The following BRINP3 variants were observed in gnomAD, a reference collection of about 807,000 sequenced individuals.
BRINP3 encodes the protein BMP/retinoic acid inducible neural specific 3, also known as BMP/retinoic acid-inducible neural-specific protein 3.
BRINP3 carries 19 observed loss-of-function variants against 71.0 expected under a neutral mutation model. The ratio of observed to expected loss-of-function variants is 0.27; its 90% CI spans 0.19 to 0.39. BRINP3 has a LOEUF of 0.39. BRINP3 is among the 10% of genes least tolerant of loss of function. The probability of loss-of-function intolerance (pLI) is 1.00; values close to 1 mark genes in which losing one functional copy is unlikely to be tolerated. For missense variants in BRINP3, 959 were observed against 940.8 expected, an observed-to-expected ratio of 1.02 and a Z score of -0.25; for synonymous variants, 380 against 337.7, an observed-to-expected ratio of 1.13 and a Z score of -1.37.
At chr1:190,167,099 C>T (rs992420782) in intron 6 of BRINP3, among the ~76,000 whole-genome samples, 1 of 151,930 alleles carries the variant, frequency 6.6e-6, no homozygotes, top group East Asian at 1.9e-4. Flanking sequence ...ATTTGATGTG[C>T]CATCCAGAAT....
intron 6 of BRINP3, among the ~76,000 whole-genome samples, chr1:190,206,105 C>G (rs1655475642): frequency 6.6e-6 from 1 of 151,990 alleles, no homozygotes; most frequent in Non-Finnish European, 1.5e-5. Context: ...AAGACACTTG[C>G]CAGTACACCG....
intron 1 of BRINP3, among the ~76,000 whole-genome samples, chr1:190,471,040 A>C (rs975889034): frequency 6.6e-6 from 1 of 151,188 alleles, no homozygotes; most frequent in Non-Finnish European, 1.5e-5. Flanking sequence ...AATTATGAAG[A>C]CTTTGTAATT....
At chr1:190,436,201 G>A (rs1674442829) in intron 2 of BRINP3, among the ~76,000 whole-genome samples, 1 of 151,876 alleles carries the variant, frequency 6.6e-6, no homozygotes, top group Non-Finnish European at 1.5e-5. Flanking sequence ...TTTAACATAT[G>A]CTTAAATATG....
intron 6 of BRINP3, among the ~76,000 whole-genome samples, chr1:190,191,920 G>A (rs1168623266): frequency 6.6e-6 from 1 of 151,852 alleles, no homozygotes; most frequent in African/African-American, 2.4e-5. Context: ...AATAAAACAG[G>A]TTTAAAAATA....
Position 190,098,978 on chromosome 1 carries a change from A to C in BRINP3, c.1341T>G (p.Ser447=). Residue 447 remains serine (S), a synonymous_variant, in exon 8 of 8, where the codon TCT becomes TCG. Transcript: ENST00000367462. ...AFLPCTVGDA[S]ACLTCAPDNR... is the part of the protein sequence containing the mutation. The stretch of plus-strand genomic sequence containing the variant: ...TGTCTGGTGCGCATGTCAGGCAGGC[A>C]GAGGCGTCTCCCACTGTGCAGGGCA... 1.2e-6 allele frequency: 2 copies of C among 1,614,176 alleles called. No individual in the cohort carries two copies. Among genetic ancestry groups the C allele is most frequent in the Non-Finnish European group, 1.7e-6 (2 of 1,180,036 alleles).
At chr1:190,240,018 C>T (rs1217327831) in intron 4 of BRINP3, among the ~76,000 whole-genome samples, 1 of 151,124 alleles carries the variant, frequency 6.6e-6, no homozygotes, top group Non-Finnish European at 1.5e-5. Flanking sequence ...ACAATTACTA[C>T]TGTTCTATAA....
chr1:190,143,421 C>G (rs149625350), intron 7 of BRINP3, among the ~76,000 whole-genome samples: 1 of 152,108 alleles, frequency 6.6e-6, no homozygotes, highest in Non-Finnish European at 1.5e-5. Flanking sequence ...AAAGGTCAAG[C>G]CTTTCAGTTA....
At chr1:190,292,761 C>T (rs1295375072) in intron 2 of BRINP3, among the ~76,000 whole-genome samples, 5 of 151,916 alleles carry the variant, frequency 3.3e-5, no homozygotes, top group South Asian at 2.1e-4. Context: ...TCATGTAATT[C>T]GTGATTCAGT....
intron 7 of BRINP3, among the ~76,000 whole-genome samples, chr1:190,142,416 G>T (rs1291533616): frequency 6.6e-6 from 1 of 152,172 alleles, no homozygotes; most frequent in African/African-American, 2.4e-5. Context: ...GATATGGCTA[G>T]AGCTGAAAAC....
At chr1:190,226,545 T>C (rs1468164198) in intron 5 of BRINP3, among the ~76,000 whole-genome samples, 1 of 152,046 alleles carries the variant, frequency 6.6e-6, no homozygotes, top group Non-Finnish European at 1.5e-5. Context: ...TAGAGATGAT[T>C]AATCATGGAG....
At chr1:190,213,288 T>C (rs949844220) in intron 6 of BRINP3, among the ~76,000 whole-genome samples, 1 of 152,078 alleles carries the variant, frequency 6.6e-6, no homozygotes, top group Non-Finnish European at 1.5e-5. Context: ...GCCCCCATCC[T>C]GTAGTGAGAA....
At chr1:190,390,628 C>T (rs927679589) in intron 2 of BRINP3, among the ~76,000 whole-genome samples, 1 of 151,666 alleles carries the variant, frequency 6.6e-6, no homozygotes, top group African/African-American at 2.4e-5. Flanking sequence ...GAGGGAGTTT[C>T]ACACAGGAGG....
At chr1:190,347,030 A>G (rs1668065839) in intron 2 of BRINP3, among the ~76,000 whole-genome samples, 1 of 152,134 alleles carries the variant, frequency 6.6e-6, no homozygotes, top group East Asian at 1.9e-4. Flanking sequence ...GCAGGAAAAC[A>G]CAGTAACACC....
chr1:190,170,016 G>T (rs887249773), intron 6 of BRINP3, among the ~76,000 whole-genome samples: 2 of 152,020 alleles, frequency 1.3e-5, no homozygotes, highest in African/African-American at 4.8e-5. Context: ...CAGAACAAAC[G>T]AAGTCTGAAA....
At chr1:190,313,133 T>C (rs1665648485) in intron 2 of BRINP3, among the ~76,000 whole-genome samples, 1 of 151,906 alleles carries the variant, frequency 6.6e-6, no homozygotes, top group Non-Finnish European at 1.5e-5. Context: ...TATAATTGAA[T>C]GGACCTATTT....
chr1:190,463,888 A>C (rs1315156811), intron 1 of BRINP3, among the ~76,000 whole-genome samples: 2 of 151,924 alleles, frequency 1.3e-5, no homozygotes, highest in African/African-American at 2.4e-5. Flanking sequence ...AAGATGTCAG[A>C]TAATTCTTCA....
chr1:190,331,555 T>C (rs1457657679), intron 2 of BRINP3, among the ~76,000 whole-genome samples: 1 of 152,050 alleles, frequency 6.6e-6, no homozygotes, highest in East Asian at 1.9e-4. Flanking sequence ...TTATTTGTAG[T>C]ACGAGGTGGC....
intron 2 of BRINP3, among the ~76,000 whole-genome samples, chr1:190,399,671 ACTAT>A (rs777513197): frequency 1.3e-5 from 2 of 152,006 alleles, no homozygotes; most frequent in Non-Finnish European, 2.9e-5. Context: ...TAGCATACAG[ACTAT>A]CTTTTACCTA....
intron 5 of BRINP3, among the ~76,000 whole-genome samples, chr1:190,232,449 T>C (rs1231193239): frequency 1.3e-5 from 2 of 152,034 alleles, no homozygotes; most frequent in Non-Finnish European, 2.9e-5. Context: ...CATGAAATAT[T>C]GAGGGTCTTG....
Sources: gnomAD v4.1 joint callset for allele counts (sites outside exome capture counted in the v4.1 genomes callset) on GRCh38, gnomAD v4.1.1 for gene constraint, MANE v1.5 for transcripts, NCBI Gene and HGNC (gene_info 2026-07-23, HGNC 2026-07-21) for gene names.